FGGY: variants seen among roughly 807,000 people sequenced by gnomAD.
FGGY encodes FGGY carbohydrate kinase domain containing, also known as FGGY carbohydrate kinase domain-containing protein.
Under a neutral mutation model 71.3 loss-of-function variants are expected in FGGY, and 72 were observed. The ratio of observed to expected loss-of-function variants is 1.01; its 90% CI spans 0.84 to 1.23. The LOEUF is 1.23. Among genes scored for constraint, FGGY ranks in the 50% most tolerant of loss-of-function variants. FGGY has a pLI of 0.00. For synonymous variants in FGGY, 251 were observed against 250.3 expected (o/e 1.00, Z -0.02); for missense variants, 668 against 682.3 (o/e 0.98, Z 0.23).
intron 14 of FGGY, among the ~76,000 whole-genome samples, chr1:59,726,877 C>CT: frequency 6.6e-6 from 1 of 152,056 alleles, no homozygotes; most frequent in South Asian, 2.1e-4. Flanking sequence ...ATTTCTTCTG[C>CT]TTTTTTAAAA....
At chr1:59,493,358 A>G (rs971987188) in intron 6 of FGGY, among the ~76,000 whole-genome samples, 24 of 152,226 alleles carry the variant, frequency 1.6e-4, no homozygotes, top group African/African-American at 5.5e-4. Flanking sequence ...TAAAAGCATC[A>G]TTCACAATAG....
intron 4 of FGGY, among the ~76,000 whole-genome samples, chr1:59,366,619 C>G (rs1157271939): frequency 6.6e-6 from 1 of 152,152 alleles, no homozygotes; most frequent in African/African-American, 2.4e-5. Context: ...TATTAATTAT[C>G]TCTTCCTTTG....
At chr1:59,747,230 A>G (rs1018667126) in intron 14 of FGGY, among the ~76,000 whole-genome samples, 2 of 152,226 alleles carry the variant, frequency 1.3e-5, no homozygotes, top group Admixed American at 6.5e-5. Context: ...TGAGAAATCC[A>G]TAAGAAGTAA....
chr1:59,577,219 G>A (rs11207480), intron 8 of FGGY, among the ~76,000 whole-genome samples: 31,222 of 152,098 alleles, frequency 0.21, 4,491 homozygotes, highest in African/African-American at 0.4. Flanking sequence ...GCTGCCAGTT[G>A]ATAGACTTTG....
chr1:59,638,443 A>G (rs2096984587), intron 11 of FGGY, 68 bp downstream of exon 11: 3 of 1,569,466 alleles, frequency 1.9e-6, no homozygotes, highest in Admixed American at 3.7e-5. Context: ...TGGAAGAAGC[A>G]AAGTGAGGAA....
intron 5 of FGGY, among the ~76,000 whole-genome samples, chr1:59,407,717 A>G (rs1037801685): frequency 6.6e-6 from 1 of 152,122 alleles, no homozygotes; most frequent in Non-Finnish European, 1.5e-5. Flanking sequence ...CTGGAATGCT[A>G]TACAGCATTT....
In FGGY at chr1:59,757,971, T is replaced by TC. The variant is rs1188367856; in HGVS notation, c.1556dup (p.Arg520GlufsTer5). ...ATGAGCAAAGTTGGGAAAGTTGTGT[T>TC]CCCGAGACTACAGGATAAAAAGTAA... On this transcript the variant is annotated frameshift_variant, in exon 15 of 16. Transcript: ENST00000303721. LOFTEE classifies it high-confidence loss of function. The TC allele has an allele frequency of 1.2e-6, 2 of 1,613,200 alleles. No individual in the cohort carries two copies. Among genetic ancestry groups the TC allele is most frequent in the Non-Finnish European group, 1.7e-6 (2 of 1,179,440 alleles).
chr1:59,325,080 G>A (rs1252661980), intron 2 of FGGY, among the ~76,000 whole-genome samples: 3 of 152,160 alleles, frequency 2.0e-5, no homozygotes, highest in East Asian at 1.9e-4. Context: ...TAGGCGGGGC[G>A]TGTTGGCTCA....
At chr1:59,542,177 G>C (rs1267989965) in intron 7 of FGGY, among the ~76,000 whole-genome samples, 1 of 152,162 alleles carries the variant, frequency 6.6e-6, no homozygotes, top group Non-Finnish European at 1.5e-5. Context: ...CAAAAGGCTT[G>C]TTTGTCCTCT....
intron 6 of FGGY, among the ~76,000 whole-genome samples, chr1:59,489,332 G>C: frequency 6.6e-6 from 1 of 152,170 alleles, no homozygotes; most frequent in East Asian, 1.9e-4. Flanking sequence ...GCATCTAGCT[G>C]TAATTTTGTG....
At chr1:59,389,966 A>G (rs1388576013) in intron 5 of FGGY, among the ~76,000 whole-genome samples, 1 of 152,152 alleles carries the variant, frequency 6.6e-6, no homozygotes, top group Non-Finnish European at 1.5e-5. Context: ...GGGGAGAAGC[A>G]CAGTTACTTC....
rs183694892 is a variant in FGGY, at chr1:59,420,965, C to A, written c.555-35996C>A. On this transcript the variant is annotated intron_variant, in intron 5 of 15. Coordinates refer to ENST00000303721, the MANE Select transcript of FGGY (RefSeq NM_018291.5). ...GTTTCTGATAATGCTTTACACTTAC[C>A]AGAAAAGCTGTTTTTGAAAAATCCA... Among the ~76,000 whole-genome samples the A allele has an allele frequency of 5.3e-5, 8 of 151,664 alleles. No individual in the cohort carries two copies. The East Asian group carries it at 1.4e-3, about 26-fold the overall frequency.
chr1:59,396,029 G>C (rs978855641), intron 5 of FGGY, among the ~76,000 whole-genome samples: 7 of 152,142 alleles, frequency 4.6e-5, no homozygotes, highest in Non-Finnish European at 8.8e-5. Context: ...CCAGCAGCAT[G>C]AGCAGCGTCA....
intron 2 of FGGY, among the ~76,000 whole-genome samples, chr1:59,330,449 A>G (rs2048245880): frequency 6.6e-6 from 1 of 151,994 alleles, no homozygotes; most frequent in South Asian, 2.1e-4. Context: ...TGCGCCTGTA[A>G]TCCCAACTAC....
chr1:59,740,012 AATG>A (rs2098134972), intron 14 of FGGY, among the ~76,000 whole-genome samples: 1 of 151,952 alleles, frequency 6.6e-6, no homozygotes, highest in Middle Eastern at 3.3e-3. Flanking sequence ...ATCCTTCTAC[AATG>A]GACCACAGTT....
In FGGY at chr1:59,717,747, G is replaced by A. The variant is rs139841823; in HGVS notation, c.1513-40184G>A. ...CTAGTCTCACGGCTACTGGCACTAT[G>A]TGAAGAAGGACGGAAAAGGCAAGAA... is the stretch of plus-strand genomic sequence containing the variant. On this transcript the variant is annotated intron_variant, in intron 14 of 15. Transcript: ENST00000303721. 2.7e-3 allele frequency among the ~76,000 whole-genome samples: 408 copies of A among 152,316 alleles called. 5 individuals carry two copies. In the South Asian group the frequency reaches 0.036, roughly 13 times the overall value.
chr1:59,315,952 T>G (rs2045374219), intron 1 of FGGY, among the ~76,000 whole-genome samples: 1 of 152,242 alleles, frequency 6.6e-6, no homozygotes, highest in Non-Finnish European at 1.5e-5. Context: ...GCTGGTCTTT[T>G]CTTCCTATTT....
At chr1:59,371,392 C>A (rs988743884) in intron 4 of FGGY, among the ~76,000 whole-genome samples, 4 of 152,106 alleles carry the variant, frequency 2.6e-5, no homozygotes, top group Admixed American at 2.6e-4. Context: ...TACAGGAACA[C>A]CCAGATTCAT....
In FGGY at chr1:59,343,322, G is replaced by A. The variant is rs150686724; in HGVS notation, c.314-2925G>A. 1.1e-3 allele frequency among the ~76,000 whole-genome samples: 171 copies of A among 152,204 alleles called. 1 individual carries two copies. The East Asian group carries it at 0.019, about 17-fold the overall frequency. The stretch of plus-strand genomic sequence containing the variant: ...AACTTTACCTCCAATTCTCTTAAAC[G>A]ACAACATTTTTGTGGGTCTGTGTTC... On this transcript the variant is annotated intron_variant, in intron 3 of 15. Coordinates refer to ENST00000303721, the MANE Select transcript of FGGY (RefSeq NM_018291.5).
Sources: gnomAD v4.1 joint callset for allele counts (sites outside exome capture counted in the v4.1 genomes callset) on GRCh38, gnomAD v4.1.1 for gene constraint, MANE v1.5 for transcripts, NCBI Gene and HGNC (gene_info 2026-07-23, HGNC 2026-07-21) for gene names.